The following FRMD4A variants were observed in gnomAD, a reference collection of about 807,000 sequenced individuals.
FRMD4A encodes FERM domain containing 4A.
A neutral mutation model predicts 129.1 loss-of-function variants in FRMD4A; 29 were observed. That is an observed-to-expected ratio of 0.22 (90% CI 0.17 to 0.31). The LOEUF is 0.31. Ranked by LOEUF, FRMD4A falls within the 10% of genes least tolerant of loss-of-function variation. The probability of loss-of-function intolerance (pLI) is 1.00; values close to 1 mark genes in which losing one functional copy is unlikely to be tolerated. For synonymous variants in FRMD4A, 634 were observed against 571.6 expected, an observed-to-expected ratio of 1.11 and a Z score of -1.56; for missense variants, 1,272 against 1,375.8, an observed-to-expected ratio of 0.92 and a Z score of 1.19.
chr10:13,694,004 G>C lies in FRMD4A; in HGVS notation c.1011C>G (p.Ile337Met). 1 of 1,534,156 alleles carries C rather than the reference G, an allele frequency of 6.5e-7. No individual in the cohort carries two copies. The highest frequency in any genetic ancestry group is 1.3e-5 in the South Asian group (1 of 76,754). Residue 337 changes from isoleucine (I) to methionine (M), a missense_variant, in exon 15 of 25, where the codon ATC (isoleucine) becomes ATG (methionine). Ile to Met is a conservative substitution (Grantham distance 10). Around this residue, in one of 2 missense-constraint regions of FRMD4A, gnomAD observed 300 missense variants for 483.6 expected, o/e 0.62. Coordinates refer to ENST00000357447, the MANE Select transcript of FRMD4A (RefSeq NM_018027.5). ...KIHAARSLSE[I>M]AIDLTETGTL... Reference sequence around the variant, plus strand: ...TCCCCGTCTCGGTCAGGTCGATGGCGATCTCACTCAGGCTGCGTGCTGCAT... The same window carrying C: ...TCCCCGTCTCGGTCAGGTCGATGGCCATCTCACTCAGGCTGCGTGCTGCAT...
chr10:14,111,974 A>C, intron 2 of FRMD4A, among the ~76,000 whole-genome samples: 2 of 69,342 alleles, frequency 2.9e-5, no homozygotes, highest in South Asian at 6.2e-4. Context: ...AGGGGAGGGG[A>C]GGGGAGGAAG....
intron 9 of FRMD4A, among the ~76,000 whole-genome samples, chr10:13,742,555 C>T (rs943095): frequency 0.63 from 95,570 of 152,122 alleles, 31,105 homozygotes; most frequent in East Asian, 0.95. Context: ...TTTGCTCTCT[C>T]GCCCAGACTG....
chr10:14,033,312 A>C (rs112771982), intron 2 of FRMD4A, among the ~76,000 whole-genome samples: 2,414 of 151,998 alleles, frequency 0.016, 62 homozygotes, highest in African/African-American at 0.056. Flanking sequence ...GTCTCAAAAA[A>C]AAAAAAAAAA....
At chr10:13,847,357 G>C (rs1406812654) in intron 3 of FRMD4A, among the ~76,000 whole-genome samples, 1 of 152,330 alleles carries the variant, frequency 6.6e-6, no homozygotes, top group Middle Eastern at 3.4e-3. Flanking sequence ...AGATTCAAGG[G>C]CGATAGGGAA....
chr10:13,682,455 C>T (rs2084682393), intron 15 of FRMD4A, among the ~76,000 whole-genome samples: 1 of 150,776 alleles, frequency 6.6e-6, no homozygotes, highest in East Asian at 2.0e-4. Context: ...TGCTGCACTT[C>T]ATTGAATCCT....
chr10:13,910,888 G>GAGAAAAAAAA (rs2094933697), intron 2 of FRMD4A, among the ~76,000 whole-genome samples: 1 of 83,100 alleles, frequency 1.2e-5, no homozygotes, highest in African/African-American at 5.0e-5. Context: ...GGAGTTTCAT[G>GAGAAAAAAAA]AAAAAAAAAA....
intron 2 of FRMD4A, among the ~76,000 whole-genome samples, chr10:14,015,148 CCTTT>C (rs1465541295): frequency 8.6e-6 from 1 of 116,650 alleles, no homozygotes; most frequent in African/African-American, 3.3e-5. Flanking sequence ...TTCCTTCCTT[CCTTT>C]CTTCTTTCCT....
chr10:13,734,295 TC>T (rs2090495129), intron 12 of FRMD4A, among the ~76,000 whole-genome samples: 1 of 152,170 alleles, frequency 6.6e-6, no homozygotes, highest in Non-Finnish European at 1.5e-5. Flanking sequence ...CCTGGGTTTT[TC>T]CTATCCAGCC....
intron 2 of FRMD4A, among the ~76,000 whole-genome samples, chr10:14,069,216 C>T (rs1835204866): frequency 6.6e-6 from 1 of 152,132 alleles, no homozygotes; most frequent in Admixed American, 6.5e-5. Flanking sequence ...CTTGGTCTGC[C>T]ACTAATTCAT....
intron 2 of FRMD4A, among the ~76,000 whole-genome samples, chr10:14,197,226 G>C (rs962890222): frequency 1.4e-4 from 21 of 152,076 alleles, no homozygotes; most frequent in African/African-American, 4.6e-4. Flanking sequence ...ATTTTATACA[G>C]GCAAATCGGG....
chr10:13,867,712 CATATAATATAATATAT>C (rs1564939922), intron 2 of FRMD4A, among the ~76,000 whole-genome samples: 1 of 3,498 alleles, frequency 2.9e-4, no homozygotes, highest in Non-Finnish European at 2.1e-3. Context: ...TAATAAATAA[CATATAATATAATATAT>C]AATAAATAAC....
chr10:13,775,669 G>A (rs560373350), intron 6 of FRMD4A, among the ~76,000 whole-genome samples: 43 of 152,280 alleles, frequency 2.8e-4, no homozygotes, highest in Non-Finnish European at 5.1e-4. Flanking sequence ...ATGGGGATGC[G>A]GCATCCCGGG....
rs948334105 is a variant in FRMD4A, at chr10:14,022,950, C to T, written c.46-164038G>A. 1.2e-4 allele frequency among the ~76,000 whole-genome samples: 18 copies of T among 152,266 alleles called. No homozygotes were observed. The South Asian group carries it at 2.1e-3, about 18-fold the overall frequency. On this transcript the variant is annotated intron_variant, in intron 2 of 24. Coordinates refer to ENST00000357447, the MANE Select transcript of FRMD4A (RefSeq NM_018027.5). ...CCTGATTAATTCGTTTCCTCCAATA[C>T]GACCAAACTCACACCAACACTTTGG...
At chr10:13,903,021 C>T (rs1413484466) in intron 2 of FRMD4A, among the ~76,000 whole-genome samples, 1 of 152,120 alleles carries the variant, frequency 6.6e-6, no homozygotes, top group Non-Finnish European at 1.5e-5. Context: ...TTTCCTACCT[C>T]TTGGCTTTTA....
chr10:13,665,294 G>T (rs187719296), intron 18 of FRMD4A, among the ~76,000 whole-genome samples: 2 of 152,022 alleles, frequency 1.3e-5, no homozygotes, highest in East Asian at 3.9e-4. Context: ...ACTGAAACTC[G>T]GTATCTATCA....
At chr10:13,938,484 C>T (rs1442121372) in intron 2 of FRMD4A, among the ~76,000 whole-genome samples, 4 of 152,140 alleles carry the variant, frequency 2.6e-5, no homozygotes, top group South Asian at 4.2e-4. Context: ...CTCAGGCAAT[C>T]CATCCACCTC....
chr10:14,092,253 T>C (rs1836703536), intron 2 of FRMD4A, among the ~76,000 whole-genome samples: 1 of 152,188 alleles, frequency 6.6e-6, no homozygotes, highest in Non-Finnish European at 1.5e-5. Flanking sequence ...GGGTAAATAC[T>C]CAGCACTCGG....
chr10:14,085,897 A>G (rs755433583), intron 2 of FRMD4A, among the ~76,000 whole-genome samples: 2 of 152,186 alleles, frequency 1.3e-5, no homozygotes, highest in African/African-American at 4.8e-5. Context: ...CGGCAGGCAT[A>G]TATGGGTTCT....
intron 2 of FRMD4A, among the ~76,000 whole-genome samples, chr10:14,244,506 T>G (rs1564413365): frequency 6.6e-6 from 1 of 152,234 alleles, no homozygotes; most frequent in Non-Finnish European, 1.5e-5. Flanking sequence ...GCATTTGACA[T>G]TTAAATATGA....
Sources: gnomAD v4.1 joint callset for allele counts (sites outside exome capture counted in the v4.1 genomes callset) on GRCh38, gnomAD v4.1.1 for gene constraint, gnomAD v4.1.1 regional missense constraint, MANE v1.5 for transcripts, NCBI Gene and HGNC (gene_info 2026-07-23, HGNC 2026-07-21) for gene names.